The following MORC4 variants were observed in gnomAD, a reference collection of about 807,000 sequenced individuals.
MORC4 encodes the protein MORC family CW-type zinc finger protein 4.
MORC4 carries 22 observed loss-of-function variants against 65.5 expected under a neutral mutation model. The ratio of observed to expected loss-of-function variants is 0.34; its 90% CI spans 0.24 to 0.48. The LOEUF (loss-of-function observed/expected upper bound fraction) is 0.48, where lower values mean the gene tolerates loss of function less well. Ranked by LOEUF, MORC4 falls within the 20% of genes least tolerant of loss-of-function variation. The pLI, the probability that MORC4 is intolerant of heterozygous loss-of-function variation, is 0.99. For missense variants in MORC4, 624 were observed against 703.0 expected, an observed-to-expected ratio of 0.89 and a Z score of 1.27; for synonymous variants, 267 against 255.8, an observed-to-expected ratio of 1.04 and a Z score of -0.42.
intron 2 of MORC4, among the ~76,000 whole-genome samples, chrX:106,998,193 C>T (rs1935112100): frequency 8.9e-6 from 1 of 112,222 alleles, no homozygotes; most frequent in African/African-American, 3.2e-5. Flanking sequence ...TAACACTTTG[C>T]TCTCTCTTTT....
At chrX:106,948,296 T>C (rs1933898048) in intron 14 of MORC4, among the ~76,000 whole-genome samples, 1 of 111,800 alleles carries the variant, frequency 8.9e-6, no homozygotes, top group South Asian at 3.7e-4. Context: ...TCTGGCGTCA[T>C]TTCCTTACTC....
intron 3 of MORC4, among the ~76,000 whole-genome samples, chrX:106,991,624 T>C (rs1569309073): frequency 1.8e-5 from 2 of 111,798 alleles, no homozygotes; most frequent in Admixed American, 1.9e-4. Context: ...CAATTTTGGA[T>C]GGGTGCGGTG....
chrX:106,992,440 A>G (rs1242551237), intron 3 of MORC4, among the ~76,000 whole-genome samples: 1 of 112,590 alleles, frequency 8.9e-6, no homozygotes, highest in Non-Finnish European at 1.9e-5. Context: ...GCTAAAAGGA[A>G]GAGAGAAGGA....
chrX:106,941,758 A>G, intron 16 of MORC4, 126 bp from the exon 17 acceptor site: 1 of 838,348 alleles, frequency 1.2e-6, no homozygotes, highest in East Asian at 3.2e-5. Flanking sequence ...GCTAGAAAGA[A>G]GAAAGCACAA....
intron 9 of MORC4, among the ~76,000 whole-genome samples, chrX:106,965,203 G>C (rs1045002622): frequency 1.4e-4 from 16 of 111,791 alleles, no homozygotes; most frequent in African/African-American, 5.2e-4. Flanking sequence ...AATGGTGATG[G>C]AGCTGTTAAA....
At chrX:106,952,296 G>A (rs935266204) in intron 14 of MORC4, among the ~76,000 whole-genome samples, 3 of 111,997 alleles carry the variant, frequency 2.7e-5, no homozygotes, top group African/African-American at 9.7e-5. Flanking sequence ...CTAGGCAATA[G>A]CCTATTGCTC....
chrX:106,941,423 G>T lies in MORC4; in HGVS notation c.*56C>A. ...GAGAGAGAGAGAGACGTGAGGGAGGGAGAGAAAAGAGAACAGACAGAAGAT... is the reference window on the plus strand; with the variant it reads ...GAGAGAGAGAGAGACGTGAGGGAGGTAGAGAAAAGAGAACAGACAGAAGAT... On this transcript the variant is annotated 3_prime_UTR_variant, in exon 17 of 17. Transcript: ENST00000355610. 1 of 973,473 alleles carries T rather than the reference G, an allele frequency of 1.0e-6. No individual in the cohort carries two copies. The highest frequency in any genetic ancestry group is 1.4e-6 in the Non-Finnish European group (1 of 710,217). The allele number at this position is 973,473 out of a possible 1,213,427, so 80.2% of individuals were successfully genotyped here.
chrX:106,963,877 A>C (rs959804570), intron 9 of MORC4, among the ~76,000 whole-genome samples: 1 of 109,153 alleles, frequency 9.2e-6, no homozygotes, highest in Non-Finnish European at 1.9e-5. Context: ...AACATAACAA[A>C]AACAACAACA....
At chrX:106,946,820 T>C (rs1195462629) in intron 14 of MORC4, among the ~76,000 whole-genome samples, 4 of 111,495 alleles carry the variant, frequency 3.6e-5, no homozygotes, top group Non-Finnish European at 5.6e-5. Context: ...TTTTGTATTT[T>C]CTGTAGAGAC....
intron 9 of MORC4, among the ~76,000 whole-genome samples, chrX:106,974,958 T>A (rs1442895175): frequency 3.6e-5 from 4 of 111,770 alleles, no homozygotes; most frequent in Non-Finnish European, 7.5e-5. Context: ...TCCCTGTTTT[T>A]AATAAAGTGT....
At position 106,941,441 on chromosome X, in the gene MORC4, C is replaced by G. The variant is rs376451985; in HGVS notation, c.*38G>C. 1.9e-5 allele frequency: 20 copies of G among 1,072,504 alleles called. No homozygotes were observed. The African/African-American group carries it at 3.4e-4, about 18-fold the overall frequency. The allele number at this position is 1,072,504 out of a possible 1,213,427, so 88.4% of individuals were successfully genotyped here. A position where few individuals can be genotyped will look rare whatever the true frequency, so the allele number is the denominator to read the frequency against. Reference sequence around the variant, plus strand: ...AGGGAGGGAGAGAAAAGAGAACAGACAGAAGATAAGAGAAGAGAAGGGTAT... The same window carrying G: ...AGGGAGGGAGAGAAAAGAGAACAGAGAGAAGATAAGAGAAGAGAAGGGTAT... On this transcript the variant is annotated 3_prime_UTR_variant, in exon 17 of 17. Transcript: ENST00000355610.
chrX:106,999,678 T>A lies in MORC4; in HGVS notation c.174A>T (p.Leu58=). Residue 58 remains leucine (L), a splice_region_variant and synonymous_variant, in exon 2 of 17, where the codon CTA becomes CTT. Coordinates refer to ENST00000355610, the MANE Select transcript of MORC4 (RefSeq NM_024657.5). The part of the protein sequence containing the change: ...TRPFSAIAEL[L]DNAVDPDVSA... Reference sequence around the variant, plus strand: ...GCCGGGCCCGCCCTCGCCACTCACCTAGCAGCTCCGCGATGGCACTGAAGG... The same window carrying A: ...GCCGGGCCCGCCCTCGCCACTCACCAAGCAGCTCCGCGATGGCACTGAAGG... 1 of 1,124,174 alleles carries A rather than the reference T, an allele frequency of 8.9e-7. No homozygotes were observed. Among genetic ancestry groups the A allele is most frequent in the Non-Finnish European group, 1.2e-6 (1 of 852,748 alleles). 92.6% of individuals were successfully genotyped at this position (1,124,174 alleles called of 1,213,427 possible).
chrX:106,989,930 G>A lies in MORC4; in HGVS notation c.308+3300C>T, dbSNP rs756964045. On this transcript the variant is annotated intron_variant, in intron 3 of 16. Coordinates refer to ENST00000355610, the MANE Select transcript of MORC4 (RefSeq NM_024657.5). ...GGGCCAGGCGTGGTGGCTCATGCCT[G>A]TAATCCCAGCATTTTGGGAGCCCGA... is the stretch of plus-strand genomic sequence containing the variant. Among the ~76,000 whole-genome samples, 2 of 106,995 alleles carry A rather than the reference G, an allele frequency of 1.9e-5. 1 individual carries two copies. Among genetic ancestry groups the A allele is most frequent in the South Asian group, 8.5e-4 (2 of 2,341 alleles). The allele number at this position is 106,995 out of a possible 115,157, so 92.9% of individuals were successfully genotyped here.
chrX:106,958,219 C>A, intron 11 of MORC4, 117 bp downstream of exon 11: 1 of 671,119 alleles, frequency 1.5e-6, no homozygotes, highest in Non-Finnish European at 2.2e-6. Flanking sequence ...TGGGGTCAGT[C>A]AGCACAGGGC....
At chrX:106,971,880 T>C (rs1569303086) in intron 9 of MORC4, among the ~76,000 whole-genome samples, 1 of 111,972 alleles carries the variant, frequency 8.9e-6, no homozygotes, top group Non-Finnish European at 1.9e-5. Flanking sequence ...GGAGTGTAAA[T>C]TAGTTCAACC....
intron 4 of MORC4, among the ~76,000 whole-genome samples, chrX:106,985,561 G>A (rs1311483845): frequency 4.5e-5 from 5 of 111,430 alleles, no homozygotes; most frequent in African/African-American, 1.6e-4. Flanking sequence ...AAGAGAACCA[G>A]GTGTCTAACA....
intron 9 of MORC4, 75 bp downstream of exon 9, chrX:106,976,509 G>A: frequency 5.1e-6 from 3 of 587,818 alleles, no homozygotes. Flanking sequence ...TTTTAGAGAT[G>A]GTTTTAGAGG....
At chrX:106,952,225 C>T (rs1933990827) in intron 14 of MORC4, among the ~76,000 whole-genome samples, 1 of 110,798 alleles carries the variant, frequency 9.0e-6, no homozygotes, top group Non-Finnish European at 1.9e-5. Flanking sequence ...ACAATTTCCT[C>T]ATCGTGCAAA....
rs1328601463 is a variant in MORC4 at position 106,985,084 on chromosome X, G to A, written c.674+12C>T. On this transcript the variant is annotated intron_variant, in intron 5 of 16. Transcript: ENST00000355610. Reference sequence around the variant, plus strand: ...TTGTTTATTAGAATCTATCACCCTTGGAATACTATACCTGCGGATGTTCCA... The same window carrying A: ...TTGTTTATTAGAATCTATCACCCTTAGAATACTATACCTGCGGATGTTCCA... 7 of 1,166,938 alleles carry A rather than the reference G, an allele frequency of 6.0e-6. No homozygotes were observed. The highest frequency in any genetic ancestry group is 8.1e-6 in the Non-Finnish European group (7 of 867,812).
Sources: allele counts gnomAD v4.1 joint callset (sites outside exome capture counted in the v4.1 genomes callset), GRCh38; gene constraint gnomAD v4.1.1; transcripts MANE v1.5; gene names NCBI Gene and HGNC (gene_info 2026-07-23, HGNC 2026-07-21).